Variants in SAMD12 observed in about 807,000 individuals in gnomAD.
SAMD12 encodes the protein sterile alpha motif domain containing 12.
A neutral mutation model predicts 15.0 loss-of-function variants in SAMD12; 9 were observed. The ratio of observed to expected loss-of-function variants is 0.60; its 90% CI spans 0.36 to 1.05. The LOEUF is 1.05. Ranked by LOEUF, SAMD12 falls within the 50% of genes least tolerant of loss-of-function variation. The pLI is 0.01. For missense variants in SAMD12, 230 were observed against 234.2 expected, an observed-to-expected ratio of 0.98 and a Z score of 0.12; for synonymous variants, 86 against 90.1, an observed-to-expected ratio of 0.96 and a Z score of 0.25.
chr8:118,357,885 C>T (rs534930319), intron 4 of SAMD12, among the ~76,000 whole-genome samples: 1 of 152,174 alleles, frequency 6.6e-6, no homozygotes, highest in African/African-American at 2.4e-5. Flanking sequence ...GTGGCTCACA[C>T]CTGTAATCTC....
At chr8:118,429,023 T>C (rs1822319203) in intron 3 of SAMD12, among the ~76,000 whole-genome samples, 1 of 152,222 alleles carries the variant, frequency 6.6e-6, no homozygotes, top group African/African-American at 2.4e-5. Context: ...CTATAGGTCA[T>C]TAGAATAATG....
chr8:118,330,287 T>G (rs1816753528), intron 4 of SAMD12, among the ~76,000 whole-genome samples: 1 of 152,202 alleles, frequency 6.6e-6, no homozygotes, highest in African/African-American at 2.4e-5. Context: ...TAGAAAAACG[T>G]GAAGGCAAAG....
At chr8:118,515,042 G>A (rs549085000) in intron 2 of SAMD12, among the ~76,000 whole-genome samples, 61 of 151,876 alleles carry the variant, frequency 4.0e-4, no homozygotes, top group Non-Finnish European at 8.1e-4. Flanking sequence ...GTTTTGAGAC[G>A]GAGTCTCACT....
rs62531879 is a variant in SAMD12 at position 118,483,661 on chromosome 8, G to A, written c.193-43700C>T. The stretch of plus-strand genomic sequence containing the variant: ...TGCCTACTAATACTTTTATATAATC[G>A]AAAAATTCTTACATGCATGAAGAAA... On this transcript the variant is annotated intron_variant, in intron 2 of 3. Transcript: ENST00000314727. 9.7e-3 allele frequency among the ~76,000 whole-genome samples: 1,468 copies of A among 152,092 alleles called. 14 individuals are homozygous for A. The highest frequency in any genetic ancestry group is 0.034 in the Middle Eastern group (10 of 294).
chr8:118,500,296 T>C (rs1824748617), intron 2 of SAMD12, among the ~76,000 whole-genome samples: 1 of 151,528 alleles, frequency 6.6e-6, no homozygotes, highest in Non-Finnish European at 1.5e-5. Context: ...CAGGCTTGCC[T>C]CAAACTCCTG....
At chr8:118,350,082 C>A (rs959204899) in intron 4 of SAMD12, among the ~76,000 whole-genome samples, 1 of 152,146 alleles carries the variant, frequency 6.6e-6, no homozygotes, top group Non-Finnish European at 1.5e-5. Context: ...TGAGCTGTTA[C>A]TCAGCCTGAG....
intron 4 of SAMD12, among the ~76,000 whole-genome samples, chr8:118,199,213 A>G (rs1819645452): frequency 6.6e-6 from 1 of 152,232 alleles, no homozygotes; most frequent in African/African-American, 2.4e-5. Flanking sequence ...AACAACAAAA[A>G]TTAGGCTCAC....
intron 4 of SAMD12, among the ~76,000 whole-genome samples, chr8:118,237,520 C>T (rs1433979303): frequency 3.3e-5 from 5 of 152,012 alleles, no homozygotes; most frequent in African/African-American, 4.8e-5. Flanking sequence ...TGTTCCTTTC[C>T]CCAGCTGTAA....
intron 3 of SAMD12, among the ~76,000 whole-genome samples, chr8:118,427,420 AT>A (rs1198222338): frequency 1.3e-5 from 2 of 152,222 alleles, no homozygotes; most frequent in Non-Finnish European, 2.9e-5. Flanking sequence ...GATACAAAAC[AT>A]TTTGACCTCC....
intron 4 of SAMD12, among the ~76,000 whole-genome samples, chr8:118,223,280 T>C (rs1442359048): frequency 6.6e-6 from 1 of 152,176 alleles, no homozygotes; most frequent in Non-Finnish European, 1.5e-5. Context: ...CTTTTTCAGC[T>C]TTCATCCAAG....
chr8:118,298,118 C>T lies in SAMD12; in HGVS notation c.433+81442G>A, dbSNP rs141896092. Among the ~76,000 whole-genome samples the T allele has an allele frequency of 3.7e-3, 562 of 152,272 alleles. 7 individuals are homozygous for T. The highest frequency in any genetic ancestry group is 0.01 in the African/African-American group (424 of 41,544). Reference sequence around the variant, plus strand: ...AATGTCAAACATACATATGTAGTTCCTTGCTGAATGCACGGCTCATAGGAA... The same window carrying T: ...AATGTCAAACATACATATGTAGTTCTTTGCTGAATGCACGGCTCATAGGAA... On this transcript the variant is annotated intron_variant, in intron 4 of 4. Coordinates refer to the SAMD12 transcript ENST00000409003.
chr8:118,243,571 T>A (rs1290634951), intron 4 of SAMD12, among the ~76,000 whole-genome samples: 2 of 152,186 alleles, frequency 1.3e-5, no homozygotes, highest in Non-Finnish European at 2.9e-5. Flanking sequence ...GCACGGGATA[T>A]AACTGTTATT....
At chr8:118,594,684 G>C (rs1827677229) in intron 1 of SAMD12, among the ~76,000 whole-genome samples, 2 of 152,148 alleles carry the variant, frequency 1.3e-5, no homozygotes, top group African/African-American at 2.4e-5. Flanking sequence ...TGAGTGCATG[G>C]AGCCTTGGGT....
intron 2 of SAMD12, among the ~76,000 whole-genome samples, chr8:118,563,255 T>A (rs1229093910): frequency 6.6e-6 from 1 of 152,242 alleles, no homozygotes; most frequent in Non-Finnish European, 1.5e-5. Context: ...AAACATATGT[T>A]ACATTGCTGT....
intron 2 of SAMD12, among the ~76,000 whole-genome samples, chr8:118,499,395 G>C (rs932514122): frequency 5.9e-5 from 9 of 152,140 alleles, no homozygotes; most frequent in Non-Finnish European, 1.0e-4. Flanking sequence ...AAGAATAAGA[G>C]GAAGTGAAAA....
intron 1 of SAMD12, among the ~76,000 whole-genome samples, chr8:118,596,314 T>C (rs1043178660): frequency 6.6e-6 from 1 of 152,192 alleles, no homozygotes; most frequent in Admixed American, 6.5e-5. Context: ...TCCCATTTTA[T>C]AGATGAAAAG....
exon 5 of SAMD12, chr8:118,191,040 T>G (rs1170030416): frequency 6.6e-6 from 1 of 152,220 alleles, no homozygotes; most frequent in Non-Finnish European, 1.5e-5. Flanking sequence ...TGCCTGATAT[T>G]AAATAATTAC....
intron 4 of SAMD12, among the ~76,000 whole-genome samples, chr8:118,293,806 G>A (rs1814550834): frequency 1.3e-5 from 2 of 151,994 alleles, no homozygotes; most frequent in African/African-American, 4.8e-5. Flanking sequence ...CCAGTCTGTT[G>A]GCAAAACCTG....
intron 4 of SAMD12, among the ~76,000 whole-genome samples, chr8:118,208,301 A>C (rs967496879): frequency 6.6e-6 from 1 of 152,228 alleles, no homozygotes; most frequent in Non-Finnish European, 1.5e-5. Flanking sequence ...GTATTAATGA[A>C]TAATCCTTAC....
Sources: allele counts gnomAD v4.1 joint callset (sites outside exome capture counted in the v4.1 genomes callset), GRCh38; gene constraint gnomAD v4.1.1; transcripts MANE v1.5; gene names NCBI Gene and HGNC (gene_info 2026-07-23, HGNC 2026-07-21).